Variants in TAFA1 observed in about 807,000 individuals in gnomAD.
TAFA1 encodes the protein chemokine-like protein TAFA-1.
In TAFA1, 4 loss-of-function variants were observed where a neutral mutation model predicts 18.5. The observed-to-expected ratio is 0.22, with a 90% CI of 0.11 to 0.49. The LOEUF (loss-of-function observed/expected upper bound fraction) is 0.49. Ranked by LOEUF, TAFA1 falls within the 20% of genes least tolerant of loss-of-function variation. TAFA1 has a pLI of 0.98. For synonymous variants in TAFA1, 56 were observed against 55.2 expected, an observed-to-expected ratio of 1.01 and a Z score of -0.06; for missense variants, 147 against 169.0, an observed-to-expected ratio of 0.87 and a Z score of 0.72.
chr3:68,021,123 C>G (rs1704679407), intron 2 of TAFA1, among the ~76,000 whole-genome samples: 1 of 129,454 alleles, frequency 7.7e-6, no homozygotes, highest in Non-Finnish European at 1.6e-5. Context: ...GAGGCAGAGG[C>G]TTCAGTGAGC....
At chr3:68,294,214 C>T (rs184526881) in intron 2 of TAFA1, among the ~76,000 whole-genome samples, 3 of 152,074 alleles carry the variant, frequency 2.0e-5, no homozygotes, top group African/African-American at 7.2e-5. Flanking sequence ...AGTGTAATTC[C>T]GAACAACACT....
At chr3:68,539,724 G>C (rs1244908332) in intron 4 of TAFA1, among the ~76,000 whole-genome samples, 7 of 134,756 alleles carry the variant, frequency 5.2e-5, no homozygotes, top group African/African-American at 1.7e-4. Context: ...GTGTGTGGTG[G>C]GGGGAGGGGG....
chr3:68,082,351 TC>T (rs1559513408), intron 2 of TAFA1, among the ~76,000 whole-genome samples: 1 of 152,228 alleles, frequency 6.6e-6, no homozygotes, highest in African/African-American at 2.4e-5. Context: ...TGTTCCTACT[TC>T]CTAATTAATT....
At chr3:68,087,590 C>T (rs1228836704) in intron 2 of TAFA1, among the ~76,000 whole-genome samples, 2 of 135,280 alleles carry the variant, frequency 1.5e-5, no homozygotes, top group Non-Finnish European at 3.1e-5. Flanking sequence ...TTCCTTCCTT[C>T]CTTCCATTCT....
chr3:68,037,322 C>T (rs957504360), intron 2 of TAFA1, among the ~76,000 whole-genome samples: 1 of 152,060 alleles, frequency 6.6e-6, no homozygotes, highest in African/African-American at 2.4e-5. Flanking sequence ...AGGAAAGGAC[C>T]AGATGTGCAG....
At chr3:68,430,046 C>A (rs1444321699) in intron 3 of TAFA1, among the ~76,000 whole-genome samples, 2 of 152,028 alleles carry the variant, frequency 1.3e-5, no homozygotes, top group South Asian at 4.1e-4. Context: ...ACAAAGACAG[C>A]CCCTTGCTGT....
chr3:68,501,773 T>G (rs2072663310), intron 3 of TAFA1, among the ~76,000 whole-genome samples: 3 of 152,070 alleles, frequency 2.0e-5, no homozygotes, highest in African/African-American at 7.2e-5. Flanking sequence ...GGGGAATGAA[T>G]CTCTTTTAGC....
At position 68,425,599 on chromosome 3, in the gene TAFA1, A is replaced by G. The variant is rs74412973; in HGVS notation, c.259+8179A>G. 8.2e-3 allele frequency among the ~76,000 whole-genome samples: 1,247 copies of G among 152,066 alleles called. 13 individuals carry two copies. Among genetic ancestry groups the G allele is most frequent in the African/African-American group, 0.028 (1,175 of 41,522 alleles). ...GTGTGAGAGATGCAAGTCTGCATTCATAAGAGGAATGAGAGGATGAATGTA... is the reference window on the plus strand; with the variant it reads ...GTGTGAGAGATGCAAGTCTGCATTCGTAAGAGGAATGAGAGGATGAATGTA... On this transcript the variant is annotated intron_variant, in intron 3 of 4. Coordinates refer to ENST00000478136, the MANE Select transcript of TAFA1 (RefSeq NM_213609.4).
At chr3:68,361,410 C>T (rs114194723) in intron 2 of TAFA1, among the ~76,000 whole-genome samples, 4,850 of 151,816 alleles carry the variant, frequency 0.032, 86 homozygotes, top group Middle Eastern at 0.041. Flanking sequence ...GACAAAAAAG[C>T]GCCAATGTTC....
intron 3 of TAFA1, among the ~76,000 whole-genome samples, chr3:68,457,704 T>C (rs1379901630): frequency 6.6e-6 from 1 of 152,206 alleles, no homozygotes; most frequent in Non-Finnish European, 1.5e-5. Context: ...TACATTGTCA[T>C]TAACTATAAT....
chr3:68,153,439 A>G (rs2065830909), intron 2 of TAFA1, among the ~76,000 whole-genome samples: 1 of 152,108 alleles, frequency 6.6e-6, no homozygotes, highest in Non-Finnish European at 1.5e-5. Context: ...TAGATGAGAG[A>G]GTGGAAAGAA....
At chr3:68,154,564 G>A (rs536469399) in intron 2 of TAFA1, among the ~76,000 whole-genome samples, 4 of 152,272 alleles carry the variant, frequency 2.6e-5, no homozygotes, top group African/African-American at 7.2e-5. Flanking sequence ...CTGTTTCCTT[G>A]AGGCTTATGT....
At chr3:68,447,332 G>C (rs1010255604) in intron 3 of TAFA1, among the ~76,000 whole-genome samples, 5 of 152,150 alleles carry the variant, frequency 3.3e-5, no homozygotes, top group Non-Finnish European at 5.9e-5. Context: ...AGGATTGACT[G>C]GTTGTCAGTC....
At chr3:68,154,647 T>A (rs575196949) in intron 2 of TAFA1, among the ~76,000 whole-genome samples, 1 of 152,330 alleles carries the variant, frequency 6.6e-6, no homozygotes, top group Non-Finnish European at 1.5e-5. Context: ...TATAGCCATC[T>A]GCTCAGTGTT....
At chr3:68,142,311 G>T (rs2065676740) in intron 2 of TAFA1, among the ~76,000 whole-genome samples, 1 of 152,222 alleles carries the variant, frequency 6.6e-6, no homozygotes, top group Non-Finnish European at 1.5e-5. Context: ...CACACAGTTA[G>T]TAGCTGGTAT....
At chr3:67,994,202 C>G in the TAFA1 span, among the ~76,000 whole-genome samples, 1 of 152,070 alleles carries the variant, frequency 6.6e-6, no homozygotes, top group Admixed American at 6.5e-5. Context: ...GTCATTACAA[C>G]TAATTTAACA....
At position 68,477,313 on chromosome 3, in the gene TAFA1, C is replaced by T. The variant is rs550708955; in HGVS notation, c.259+59893C>T. 1.4e-4 allele frequency among the ~76,000 whole-genome samples: 21 copies of T among 152,138 alleles called. No individual in the cohort carries two copies. In the South Asian group the frequency reaches 3.7e-3, roughly 27 times the overall value. ...AATGAGTGTATATTTTAAAAATTTACTCTACTTTTGATGGGCATTCAAGTA... is the reference window on the plus strand; with the variant it reads ...AATGAGTGTATATTTTAAAAATTTATTCTACTTTTGATGGGCATTCAAGTA... On this transcript the variant is annotated intron_variant, in intron 3 of 4. Transcript: ENST00000478136.
At chr3:68,456,948 A>G (rs1029405703) in intron 3 of TAFA1, among the ~76,000 whole-genome samples, 2 of 152,166 alleles carry the variant, frequency 1.3e-5, no homozygotes, top group East Asian at 1.9e-4. Flanking sequence ...GGCACCTCGT[A>G]TGGGTCCCAT....
At chr3:68,251,311 T>C (rs2067191546) in intron 2 of TAFA1, among the ~76,000 whole-genome samples, 1 of 152,198 alleles carries the variant, frequency 6.6e-6, no homozygotes, top group Non-Finnish European at 1.5e-5. Context: ...CCTATCCTTT[T>C]TAGCTACTTA....
Sources: allele counts gnomAD v4.1 joint callset (sites outside exome capture counted in the v4.1 genomes callset), GRCh38; gene constraint gnomAD v4.1.1; transcripts MANE v1.5; gene names NCBI Gene and HGNC (gene_info 2026-07-23, HGNC 2026-07-21).